The following STAG1 variants were observed in gnomAD, a reference collection of about 807,000 sequenced individuals.
The protein encoded by STAG1 is cohesin subunit SA-1.
Under a neutral mutation model 170.9 loss-of-function variants are expected in STAG1, and 26 were observed. The ratio of observed to expected loss-of-function variants is 0.15; its 90% CI spans 0.11 to 0.21. The LOEUF is 0.21. STAG1 is among the 10% of genes least tolerant of loss of function. The pLI, the probability that STAG1 is intolerant of heterozygous loss-of-function variation, is 1.00. For synonymous variants in STAG1, 514 were observed against 497.7 expected (o/e 1.03, Z -0.44); for missense variants, 964 against 1,509.5 (o/e 0.64, Z 5.99).
At position 136,525,079 on chromosome 3, in the gene STAG1, G is replaced by C. The variant is rs368710085; in HGVS notation, c.472-3662C>G. On this transcript the variant is annotated intron_variant, in intron 6 of 33. Coordinates refer to ENST00000383202, the MANE Select transcript of STAG1 (RefSeq NM_005862.3). ...CTCTTTTTTTGTTATGTCTCTGCCA[G>C]GCTTTGGTATCAAGATGATGCTGGC... Among the ~76,000 whole-genome samples, 124 of 152,270 alleles carry C rather than the reference G, an allele frequency of 8.1e-4. 5 individuals are homozygous for C. In the South Asian group the frequency reaches 0.024, roughly 30 times the overall value.
At chr3:136,540,811 A>G in intron 6 of STAG1, among the ~76,000 whole-genome samples, 1 of 124,282 alleles carries the variant, frequency 8.0e-6, no homozygotes, top group Non-Finnish European at 1.6e-5. Flanking sequence ...GACAGAGTGA[A>G]ACTGTGTCTC....
intron 1 of STAG1, among the ~76,000 whole-genome samples, chr3:136,675,393 G>A (rs1352903305): frequency 6.6e-6 from 1 of 152,200 alleles, no homozygotes; most frequent in East Asian, 1.9e-4. Context: ...ATACCACCAC[G>A]CCAGTGAATC....
At chr3:136,420,352 T>C (rs1165295201) in intron 20 of STAG1, among the ~76,000 whole-genome samples, 3 of 151,990 alleles carry the variant, frequency 2.0e-5, no homozygotes, top group Non-Finnish European at 2.9e-5. Flanking sequence ...AAAATTCCCA[T>C]TTTTTAAAAA....
intron 12 of STAG1, among the ~76,000 whole-genome samples, chr3:136,466,233 G>A (rs568478638): frequency 4.6e-5 from 7 of 152,220 alleles, no homozygotes; most frequent in East Asian, 3.9e-4. Flanking sequence ...GGAGCCCATC[G>A]CAAAGAAGCT....
At chr3:136,416,349 T>C (rs999721348) in intron 21 of STAG1, among the ~76,000 whole-genome samples, 1 of 152,182 alleles carries the variant, frequency 6.6e-6, no homozygotes, top group African/African-American at 2.4e-5. Flanking sequence ...TATGTACTTT[T>C]ATCCAACAAT....
At chr3:136,361,761 G>A (rs1374679283) in intron 26 of STAG1, among the ~76,000 whole-genome samples, 1 of 152,026 alleles carries the variant, frequency 6.6e-6, no homozygotes, top group Non-Finnish European at 1.5e-5. Flanking sequence ...CGGGGTGCGT[G>A]CCAACACATC....
chr3:136,506,122 TAGA>T (rs1410106856), intron 7 of STAG1, among the ~76,000 whole-genome samples: 1 of 152,142 alleles, frequency 6.6e-6, no homozygotes, highest in Admixed American at 6.5e-5. Context: ...CAGTCTGAAT[TAGA>T]TTTTAAACTG....
At chr3:136,352,711 A>G (rs1362695188) in intron 28 of STAG1, among the ~76,000 whole-genome samples, 1 of 152,190 alleles carries the variant, frequency 6.6e-6, no homozygotes, top group African/African-American at 2.4e-5. Context: ...TCAGTATAGT[A>G]TTAAACAAAT....
At chr3:136,377,857 A>C (rs567838347) in intron 22 of STAG1, 105 bp from the exon 23 acceptor site, 9 of 858,380 alleles carry the variant, frequency 1.0e-5, no homozygotes, top group African/African-American at 1.7e-5. Flanking sequence ...ATTCTCAAGG[A>C]AATTCATATA....
intron 1 of STAG1, among the ~76,000 whole-genome samples, chr3:136,679,382 C>A (rs1942254370): frequency 6.6e-6 from 1 of 151,814 alleles, no homozygotes; most frequent in South Asian, 2.1e-4. Flanking sequence ...GAGTTCGAGA[C>A]CAGCCTGTCC....
At chr3:136,586,846 G>A (rs764014081) in intron 4 of STAG1, 4 of 456,522 alleles carry the variant, frequency 8.8e-6, no homozygotes, top group African/African-American at 8.0e-5. Context: ...AAATAGAGGG[G>A]CCAAAGGCTT....
intron 1 of STAG1, among the ~76,000 whole-genome samples, chr3:136,733,878 C>T (rs992706702): frequency 6.6e-6 from 1 of 152,132 alleles, no homozygotes; most frequent in Non-Finnish European, 1.5e-5. Context: ...GAGGCCAAGG[C>T]GGGCGGATCA....
At chr3:136,453,157 C>G (rs74965275) in intron 13 of STAG1, among the ~76,000 whole-genome samples, 1,680 of 152,102 alleles carry the variant, frequency 0.011, 27 homozygotes, top group East Asian at 0.048. Context: ...GAAACATTAT[C>G]TATGAACCCA....
At chr3:136,555,440 T>C (rs1461489129) in intron 5 of STAG1, among the ~76,000 whole-genome samples, 2 of 151,738 alleles carry the variant, frequency 1.3e-5, no homozygotes, top group Non-Finnish European at 2.9e-5. Context: ...TCCCAGCACT[T>C]TGGGAGGCTA....
chr3:136,498,215 T>TATATATATATATATAG (rs1933236375), intron 9 of STAG1, among the ~76,000 whole-genome samples: 1 of 40,304 alleles, frequency 2.5e-5, no homozygotes, highest in African/African-American at 9.1e-5. Flanking sequence ...AAAAATTATA[T>TATATATATATATATAG]ATATATATAT....
At chr3:136,476,392 T>C (rs2089750328) in intron 10 of STAG1, among the ~76,000 whole-genome samples, 2 of 152,106 alleles carry the variant, frequency 1.3e-5, no homozygotes, top group African/African-American at 2.4e-5. Context: ...GGGAACACAA[T>C]AATTGCAATA....
chr3:136,474,715 G>A (rs749267953), intron 10 of STAG1, among the ~76,000 whole-genome samples: 68 of 152,336 alleles, frequency 4.5e-4, no homozygotes, highest in Admixed American at 2.1e-3. Flanking sequence ...TAGCACACAA[G>A]CGAAAGCTGA....
chr3:136,354,814 A>C (rs566590293), intron 28 of STAG1, among the ~76,000 whole-genome samples: 1 of 150,802 alleles, frequency 6.6e-6, no homozygotes, highest in African/African-American at 2.4e-5. Context: ...AAAAAACAAA[A>C]AGTATAATAA....
At chr3:136,689,001 G>A (rs1942630678) in intron 1 of STAG1, among the ~76,000 whole-genome samples, 1 of 152,182 alleles carries the variant, frequency 6.6e-6, no homozygotes, top group African/African-American at 2.4e-5. Flanking sequence ...TGAAAATCCT[G>A]TAAAATTTGC....
Sources: allele counts gnomAD v4.1 joint callset (sites outside exome capture counted in the v4.1 genomes callset), GRCh38; gene constraint gnomAD v4.1.1; transcripts MANE v1.5; gene names NCBI Gene and HGNC (gene_info 2026-07-23, HGNC 2026-07-21).